Variants in TAFA4 observed in about 807,000 individuals in gnomAD.
TAFA4 encodes the protein TAFA chemokine like family member 4.
Under a neutral mutation model 21.1 loss-of-function variants are expected in TAFA4, and 20 were observed. The ratio of observed to expected loss-of-function variants is 0.95; its 90% confidence interval spans 0.67 to 1.38. The LOEUF (loss-of-function observed/expected upper bound fraction) is 1.38, where lower values mean the gene tolerates loss of function less well. TAFA4 is among the 40% of genes most tolerant of loss of function. The pLI is 0.00. For missense variants in TAFA4, 211 were observed against 180.9 expected (o/e 1.17, Z -0.95); for synonymous variants, 71 against 67.4 (o/e 1.05, Z -0.26).
intron 3 of TAFA4, among the ~76,000 whole-genome samples, chr3:68,792,710 A>T (rs1703384639): frequency 6.6e-6 from 1 of 152,186 alleles, no homozygotes; most frequent in Admixed American, 6.5e-5. Context: ...TTGCACATGT[A>T]ATTTTGTAAT....
chr3:68,790,512 T>C (rs1703342619), intron 3 of TAFA4, among the ~76,000 whole-genome samples: 1 of 152,188 alleles, frequency 6.6e-6, no homozygotes, highest in East Asian at 1.9e-4. Context: ...GTGAGAATAC[T>C]CATAATTTAA....
rs559068790 is a variant in TAFA4 at position 68,763,078 on chromosome 3, C to G, written c.131-10060G>C. On this transcript the variant is annotated intron_variant, in intron 3 of 5. Coordinates refer to ENST00000295569, the MANE Select transcript of TAFA4 (RefSeq NM_182522.5). ...GAGACACAGTGATGTTTGAGAGCTG[C>G]TTGAACACCATTCATAGCTATTAAC... is the stretch of plus-strand genomic sequence containing the variant. 1.5e-3 allele frequency among the ~76,000 whole-genome samples: 224 copies of G among 152,286 alleles called. 1 individual carries two copies. Among genetic ancestry groups the G allele is most frequent in the Non-Finnish European group, 2.5e-3 (168 of 68,026 alleles).
rs117929559 is a variant in TAFA4, at chr3:68,902,370, T to C, written c.-122-17060A>G. ...TTTCTTTCAGATAATACCTATATCATTCACTTTTTTTTTTGGAGACAGGGT... is the reference window on the plus strand; with the variant it reads ...TTTCTTTCAGATAATACCTATATCACTCACTTTTTTTTTTGGAGACAGGGT... On this transcript the variant is annotated intron_variant, in intron 1 of 5. Transcript: ENST00000295569. Among the ~76,000 whole-genome samples, 48 of 152,228 alleles carry C rather than the reference T, an allele frequency of 3.2e-4. 1 individual carries two copies. The East Asian group carries it at 8.3e-3, about 26-fold the overall frequency.
intron 1 of TAFA4, among the ~76,000 whole-genome samples, chr3:68,913,366 G>A (rs943032790): frequency 4.6e-5 from 7 of 152,140 alleles, no homozygotes; most frequent in African/African-American, 1.7e-4. Flanking sequence ...GTTTTCTAAA[G>A]GCCACCCAGT....
intron 1 of TAFA4, among the ~76,000 whole-genome samples, chr3:68,923,817 G>A (rs73835372): frequency 6.6e-6 from 1 of 152,014 alleles, no homozygotes; most frequent in Admixed American, 6.6e-5. Flanking sequence ...TTTGTCCAAC[G>A]TTTCTTGAGT....
intron 3 of TAFA4, among the ~76,000 whole-genome samples, chr3:68,854,946 C>T (rs537996404): frequency 1.3e-5 from 2 of 152,276 alleles, no homozygotes; most frequent in Admixed American, 6.5e-5. Context: ...GGATACACAG[C>T]AGTTCACTCT....
chr3:68,891,920 C>G (rs1226984270), intron 1 of TAFA4, among the ~76,000 whole-genome samples: 1 of 152,178 alleles, frequency 6.6e-6, no homozygotes, highest in Non-Finnish European at 1.5e-5. Context: ...CTGCAAACAG[C>G]TTTTCCACCA....
chr3:68,904,312 T>A (rs966910513), intron 1 of TAFA4, among the ~76,000 whole-genome samples: 1 of 152,172 alleles, frequency 6.6e-6, no homozygotes, highest in Non-Finnish European at 1.5e-5. Flanking sequence ...CATGATTGCA[T>A]CTTTAAGAAG....
At chr3:68,770,806 G>C (rs1007027577) in intron 3 of TAFA4, among the ~76,000 whole-genome samples, 5 of 152,198 alleles carry the variant, frequency 3.3e-5, no homozygotes, top group Non-Finnish European at 5.9e-5. Flanking sequence ...GGGTCCCGGC[G>C]AGGGCTCCAC....
intron 4 of TAFA4, among the ~76,000 whole-genome samples, chr3:68,746,040 G>A (rs541597488): frequency 5.9e-5 from 9 of 152,284 alleles, no homozygotes; most frequent in Middle Eastern, 3.4e-3. Flanking sequence ...ATAAAAGCAG[G>A]CAGAGGAGCA....
chr3:68,742,398 G>A (rs1002535449), intron 4 of TAFA4, among the ~76,000 whole-genome samples: 3 of 105,524 alleles, frequency 2.8e-5, no homozygotes, highest in Admixed American at 9.0e-5. Flanking sequence ...AAGCCCTGAA[G>A]ACTTTCCTGA....
At chr3:68,845,251 T>C (rs1704757945) in intron 3 of TAFA4, among the ~76,000 whole-genome samples, 1 of 152,242 alleles carries the variant, frequency 6.6e-6, no homozygotes, top group Non-Finnish European at 1.5e-5. Flanking sequence ...ATTGATCCCT[T>C]TACCATTATG....
At chr3:68,752,744 G>C in intron 4 of TAFA4, 119 bp downstream of exon 4, 1 of 1,191,292 alleles carries the variant, frequency 8.4e-7, no homozygotes, top group Non-Finnish European at 1.2e-6. Flanking sequence ...TTTTTGGATT[G>C]ACACTGATCT....
chr3:68,910,374 G>A (rs1289432380), intron 1 of TAFA4, among the ~76,000 whole-genome samples: 1 of 152,186 alleles, frequency 6.6e-6, no homozygotes, highest in Non-Finnish European at 1.5e-5. Context: ...GCAACTAATA[G>A]TACAGTGGAA....
chr3:68,743,609 C>A lies in TAFA4; in HGVS notation c.287-4410G>T, dbSNP rs550869047. Among the ~76,000 whole-genome samples the A allele has an allele frequency of 2.7e-5, 4 of 150,396 alleles. No individual in the cohort carries two copies. The East Asian group carries it at 5.9e-4, about 22-fold the overall frequency. On this transcript the variant is annotated intron_variant, in intron 4 of 5. Coordinates refer to ENST00000295569, the MANE Select transcript of TAFA4 (RefSeq NM_182522.5). ...AAAAAAGAAAAAGTTAAGTTATATT[C>A]TTTGCAGCCTCAAATATCATAACAA...
rs539308294 is a variant in TAFA4, at chr3:68,869,670, G to C, written c.130+11060C>G. Among the ~76,000 whole-genome samples, 3 of 152,086 alleles carry C rather than the reference G, an allele frequency of 2.0e-5. No individual in the cohort carries two copies. In the South Asian group the frequency reaches 6.2e-4, roughly 32 times the overall value. On this transcript the variant is annotated intron_variant, in intron 3 of 5. Coordinates refer to ENST00000295569, the MANE Select transcript of TAFA4 (RefSeq NM_182522.5). ...TCAACACAATTCAACATTCTTTTAT[G>C]ATAAAAACTCTCAACAAATTGGGTA...
At chr3:68,917,973 C>T (rs2090021249) in intron 1 of TAFA4, among the ~76,000 whole-genome samples, 1 of 152,020 alleles carries the variant, frequency 6.6e-6, no homozygotes, top group Admixed American at 6.6e-5. Context: ...CTGTAGTTTT[C>T]GAAGCATTTT....
intron 3 of TAFA4, among the ~76,000 whole-genome samples, chr3:68,854,950 T>G (rs913044535): frequency 6.6e-6 from 1 of 152,170 alleles, no homozygotes; most frequent in African/African-American, 2.4e-5. Context: ...ACACAGCAGT[T>G]CACTCTTAGT....
intron 3 of TAFA4, among the ~76,000 whole-genome samples, chr3:68,762,161 A>G (rs1477401883): frequency 6.6e-6 from 1 of 151,104 alleles, no homozygotes; most frequent in Non-Finnish European, 1.5e-5. Context: ...GAAAAAGATT[A>G]CCTCTATGTT....
Sources: allele counts gnomAD v4.1 joint callset (sites outside exome capture counted in the v4.1 genomes callset), GRCh38; gene constraint gnomAD v4.1.1; transcripts MANE v1.5; gene names NCBI Gene and HGNC (gene_info 2026-07-23, HGNC 2026-07-21).